The following PLCG2 variants were observed in gnomAD, a reference collection of about 807,000 sequenced individuals.
PLCG2 encodes the protein 1-phosphatidylinositol 4,5-bisphosphate phosphodiesterase gamma-2.
A neutral mutation model predicts 175.6 loss-of-function variants in PLCG2; 69 were observed. That is an observed-to-expected ratio of 0.39 (90% CI 0.32 to 0.48). The LOEUF (loss-of-function observed/expected upper bound fraction) is 0.48, where lower values mean the gene tolerates loss of function less well. Ranked by LOEUF, PLCG2 falls within the 20% of genes least tolerant of loss-of-function variation. PLCG2 has a pLI of 0.91. For synonymous variants in PLCG2, 827 were observed against 624.0 expected (o/e 1.33, Z -4.85); for missense variants, 1,798 against 1,650.9 (o/e 1.09, Z -1.54).
intron 30 of PLCG2, 109 bp from the exon 31 acceptor site, chr16:81,946,066 C>G (rs751812900): frequency 1.2e-6 from 1 of 813,078 alleles, no homozygotes; most frequent in Non-Finnish European, 2.2e-6. Context: ...GGGGCACTGA[C>G]TTCTCTACCC....
chr16:81,919,799 A>G (rs754256263), intron 20 of PLCG2, 135 bp downstream of exon 20: 2 of 683,146 alleles, frequency 2.9e-6, no homozygotes, highest in South Asian at 1.9e-5. Flanking sequence ...ATACAAATTG[A>G]GCACAACAAA....
In PLCG2 at chr16:81,921,275, G is replaced by A; in HGVS notation, c.2307+6G>A. 6.3e-7 allele frequency: 1 copy of A among 1,587,898 alleles called. No homozygotes were observed. Among genetic ancestry groups the A allele is most frequent in the South Asian group, 1.1e-5 (1 of 90,552 alleles). On this transcript the variant is annotated splice_donor_region_variant and intron_variant, in intron 21 of 32. Coordinates refer to ENST00000564138, the MANE Select transcript of PLCG2 (RefSeq NM_002661.5). ...GTGAAATCAATCCGTCCATGGTACG[G>A]TGCCGAACCTCCAATTCACATGATT...
intron 2 of PLCG2, among the ~76,000 whole-genome samples, chr16:81,832,997 G>A (rs996375878): frequency 2.6e-5 from 4 of 152,206 alleles, no homozygotes; most frequent in African/African-American, 4.8e-5. Flanking sequence ...AACAAGTCAC[G>A]CTTGTGAGAT....
intron 2 of PLCG2, among the ~76,000 whole-genome samples, chr16:81,799,505 G>A (rs1050938068): frequency 3.3e-5 from 5 of 152,102 alleles, no homozygotes; most frequent in African/African-American, 4.8e-5. Context: ...GGTCACTGTA[G>A]CCTTGAACTC....
At chr16:81,785,293 TA>T (rs1910919791) in intron 1 of PLCG2, among the ~76,000 whole-genome samples, 1 of 152,084 alleles carries the variant, frequency 6.6e-6, no homozygotes, top group African/African-American at 2.4e-5. Flanking sequence ...ACTCCCATTT[TA>T]AAAAGGCTAA....
At chr16:81,908,150 C>A (rs1430994406) in intron 16 of PLCG2, among the ~76,000 whole-genome samples, 1 of 152,190 alleles carries the variant, frequency 6.6e-6, no homozygotes, top group Non-Finnish European at 1.5e-5. Context: ...TCCCATAGAA[C>A]AGAATGGAGG....
chr16:81,912,765 G>A (rs1299178649), intron 19 of PLCG2, 49 bp downstream of exon 19: 1 of 1,521,362 alleles, frequency 6.6e-7, no homozygotes, highest in Admixed American at 2.1e-5. Flanking sequence ...GCTTGGCAAG[G>A]ACAGATGCGG....
intron 1 of PLCG2, among the ~76,000 whole-genome samples, chr16:81,750,155 C>A (rs985979168): frequency 6.6e-6 from 1 of 152,114 alleles, no homozygotes; most frequent in East Asian, 1.9e-4. Context: ...TGCCTGTAAT[C>A]CCAGCACTTT....
At chr16:81,925,293 A>T (rs987672601) in intron 22 of PLCG2, among the ~76,000 whole-genome samples, 1 of 152,108 alleles carries the variant, frequency 6.6e-6, no homozygotes, top group African/African-American at 2.4e-5. Flanking sequence ...CATACTTCCA[A>T]ACTGGTTCCC....
chr16:81,901,850 A>G (rs1200627509), intron 14 of PLCG2, among the ~76,000 whole-genome samples: 1 of 152,246 alleles, frequency 6.6e-6, no homozygotes, highest in Non-Finnish European at 1.5e-5. Context: ...TATTGCAAAT[A>G]TTTATTTAAT....
intron 2 of PLCG2, among the ~76,000 whole-genome samples, chr16:81,831,039 G>C (rs1486662673): frequency 6.6e-6 from 1 of 152,136 alleles, no homozygotes; most frequent in Admixed American, 6.5e-5. Flanking sequence ...TGCTCTGCCT[G>C]AAATATTCTA....
In PLCG2 at chr16:81,931,106, G is replaced by GT. The variant is rs368463830; in HGVS notation, c.2582-382dup. On this transcript the variant is annotated intron_variant, in intron 24 of 32. Coordinates refer to ENST00000564138, the MANE Select transcript of PLCG2 (RefSeq NM_002661.5). Reference sequence around the variant, plus strand: ...GGTTCTCTCATGCATTTTAATGTTTGTTTTTTTTTCCTGCATCTTAAGTGT... The same window carrying GT: ...GGTTCTCTCATGCATTTTAATGTTTGTTTTTTTTTTCCTGCATCTTAAGTGT... Among the ~76,000 whole-genome samples, 739 of 150,998 alleles carry GT rather than the reference G, an allele frequency of 4.9e-3. 4 individuals carry two copies. The highest frequency in any genetic ancestry group is 0.016 in the African/African-American group (673 of 41,142).
intron 14 of PLCG2, among the ~76,000 whole-genome samples, chr16:81,901,148 C>G (rs570418957): frequency 6.6e-6 from 1 of 152,184 alleles, no homozygotes; most frequent in Non-Finnish European, 1.5e-5. Context: ...CATCCTCTCT[C>G]GGAGACAGCC....
At chr16:81,747,431 A>G (rs1025173401) in intron 1 of PLCG2, among the ~76,000 whole-genome samples, 2 of 152,198 alleles carry the variant, frequency 1.3e-5, no homozygotes, top group Non-Finnish European at 2.9e-5. Context: ...GCTACACGGG[A>G]CACTGAGGCA....
Position 81,907,748 on chromosome 16 carries a change from C to G in PLCG2, c.1531C>G (p.Gln511Glu), listed in dbSNP as rs1410420295. Residue 511 changes from glutamine to glutamate, a missense_variant, in exon 16 of 33, where the codon CAG becomes GAG. By Grantham distance (29) the Gln-to-Glu change is conservative (BLOSUM62 2). Transcript: ENST00000564138. The part of the protein sequence containing the change: ...AKLSFSDDIE[Q>E]TMEEEVPQDI... ...GCTGTCCTTCAGTGATGACATTGAACAGACTATGGAGGAGGAAGTGCCCCA... is the reference window on the plus strand; with the variant it reads ...GCTGTCCTTCAGTGATGACATTGAAGAGACTATGGAGGAGGAAGTGCCCCA... 6.2e-7 allele frequency: 1 copy of G among 1,613,780 alleles called. No individual in the cohort carries two copies. The highest frequency in any genetic ancestry group is 8.5e-7 in the Non-Finnish European group (1 of 1,179,750).
chr16:81,905,461 A>T lies in PLCG2; in HGVS notation c.1421A>T (p.Glu474Val). 6.2e-7 allele frequency: 1 copy of T among 1,614,212 alleles called. No individual in the cohort carries two copies. Among genetic ancestry groups the T allele is most frequent in the Non-Finnish European group, 8.5e-7 (1 of 1,180,008 alleles). The change falls in exon 15 of 33, where the codon GAA (glutamate) becomes GTA (valine). Residue 474 changes from glutamate to valine, a missense_variant. Glu to Val is a moderately radical substitution (Grantham distance 121, BLOSUM62 -2). Transcript: ENST00000564138. Reference sequence around the variant, plus strand: ...GTCAACATGGAGGACAAGAAGGACGAACACAAGCAACAGGGGGAGCTGTAC... The same window carrying T: ...GTCAACATGGAGGACAAGAAGGACGTACACAAGCAACAGGGGGAGCTGTAC... The part of the protein sequence containing the change: ...VDVNMEDKKD[E>V]HKQQGELYMW...
chr16:81,777,886 A>T (rs1910473394), upstream of PLCG2, among the ~76,000 whole-genome samples: 1 of 151,770 alleles, frequency 6.6e-6, no homozygotes, highest in Non-Finnish European at 1.5e-5. Context: ...GCATGATGGC[A>T]TACACCTATA....
chr16:81,916,113 C>T (rs1909828457), intron 19 of PLCG2, among the ~76,000 whole-genome samples: 1 of 152,064 alleles, frequency 6.6e-6, no homozygotes, highest in Non-Finnish European at 1.5e-5. Flanking sequence ...CTTTTCTACT[C>T]AGCAGTGTTT....
In PLCG2 at chr16:81,872,579, T is replaced by C. The variant is rs1005418266; in HGVS notation, c.648+1644T>C. On this transcript the variant is annotated intron_variant, in intron 7 of 32. Transcript: ENST00000564138. ...GAGCATAAAGTTTTAAAATTGAGAC[T>C]ATTCTGTGCGATGCACCTAGCACAG... 5.9e-5 allele frequency among the ~76,000 whole-genome samples: 9 copies of C among 152,332 alleles called. No homozygotes were observed. In the East Asian group the frequency reaches 1.7e-3, roughly 29 times the overall value.
Sources: gnomAD v4.1 joint callset for allele counts (sites outside exome capture counted in the v4.1 genomes callset) on GRCh38, gnomAD v4.1.1 for gene constraint, MANE v1.5 for transcripts, NCBI Gene and HGNC (gene_info 2026-07-23, HGNC 2026-07-21) for gene names.